HGF: variants seen among roughly 807,000 people sequenced by gnomAD.
HGF encodes fibroblast-derived tumor cytotoxic factor.
In HGF, 39 loss-of-function variants were observed where a neutral mutation model predicts 111.6. The observed-to-expected ratio is 0.35, with a 90% CI of 0.27 to 0.46. The LOEUF (loss-of-function observed/expected upper bound fraction) is 0.46. Ranked by LOEUF, HGF falls within the 20% of genes least tolerant of loss-of-function variation. The pLI, the probability that HGF is intolerant of heterozygous loss-of-function variation, is 1.00. For missense variants in HGF, 735 were observed against 910.5 expected (o/e 0.81, Z 2.48); for synonymous variants, 285 against 294.8 (o/e 0.97, Z 0.34).
chr7:81,714,275 G>T (rs1487259862), intron 11 of HGF, among the ~76,000 whole-genome samples: 1 of 151,998 alleles, frequency 6.6e-6, no homozygotes, highest in Non-Finnish European at 1.5e-5. Context: ...TTAAGAAGAA[G>T]TGTTTGTATT....
intron 1 of HGF, 109 bp from the exon 2 acceptor site, chr7:81,762,981 C>A (rs1789175487): frequency 1.4e-6 from 1 of 697,026 alleles, no homozygotes; most frequent in East Asian, 2.7e-5. Context: ...TTTTACTTGA[C>A]AATATACTAG....
chr7:81,709,524 C>A (rs1297292436), intron 13 of HGF, among the ~76,000 whole-genome samples: 1 of 152,000 alleles, frequency 6.6e-6, no homozygotes, highest in Non-Finnish European at 1.5e-5. Flanking sequence ...TTTTCTCTAA[C>A]AATATGATTT....
chr7:81,709,375 A>C (rs1208828767), intron 13 of HGF, among the ~76,000 whole-genome samples: 5 of 152,228 alleles, frequency 3.3e-5, no homozygotes, highest in Non-Finnish European at 7.3e-5. Flanking sequence ...TCTGATAGAG[A>C]TAGCCAAAGA....
In HGF at chr7:81,741,720, C is replaced by A. The variant is rs184122252; in HGVS notation, c.865+1633G>T. On this transcript the variant is annotated intron_variant, in intron 7 of 17. Transcript: ENST00000222390. ...TTGGGAGGCCGAGGCAGGCAGATCACCTGAGGTCGGGAGTTCGAGACCAGC... is the reference window on the plus strand; with the variant it reads ...TTGGGAGGCCGAGGCAGGCAGATCAACTGAGGTCGGGAGTTCGAGACCAGC... 1.7e-3 allele frequency among the ~76,000 whole-genome samples: 257 copies of A among 151,892 alleles called. 1 individual carries two copies. The highest frequency in any genetic ancestry group is 3.1e-3 in the Non-Finnish European group (208 of 67,944).
chr7:81,721,257 G>GA (rs148152282), intron 9 of HGF, among the ~76,000 whole-genome samples: 15,812 of 146,350 alleles, frequency 0.11, 2,751 homozygotes, highest in African/African-American at 0.37. Flanking sequence ...AAAACAAAAA[G>GA]AAAAAAAAAA....
intron 7 of HGF, among the ~76,000 whole-genome samples, chr7:81,736,459 G>A (rs1190834514): frequency 6.6e-6 from 1 of 151,982 alleles, no homozygotes; most frequent in Admixed American, 6.6e-5. Context: ...CTGGCATATT[G>A]TTATCATTAT....
chr7:81,729,905 A>G, intron 7 of HGF, 126 bp from the exon 8 acceptor site: 1 of 710,530 alleles, frequency 1.4e-6, no homozygotes, highest in Non-Finnish European at 2.3e-6. Flanking sequence ...AGCTTTTATA[A>G]TAATTGAGTG....
At chr7:81,746,133 A>G (rs545463277) in intron 5 of HGF, among the ~76,000 whole-genome samples, 1 of 152,338 alleles carries the variant, frequency 6.6e-6, no homozygotes. Flanking sequence ...GTAATTTGGG[A>G]TTATAGTATT....
intron 7 of HGF, among the ~76,000 whole-genome samples, chr7:81,736,383 T>C (rs1373072476): frequency 6.6e-6 from 1 of 152,080 alleles, no homozygotes; most frequent in Non-Finnish European, 1.5e-5. Flanking sequence ...CATAGTTTTG[T>C]AGTGCTGATA....
intron 11 of HGF, among the ~76,000 whole-genome samples, chr7:81,714,171 T>G (rs1789650623): frequency 6.6e-6 from 1 of 152,148 alleles, no homozygotes; most frequent in Non-Finnish European, 1.5e-5. Flanking sequence ...ACATTCTCAT[T>G]TTATATATTG....
intron 10 of HGF, among the ~76,000 whole-genome samples, chr7:81,718,660 G>A (rs1450710784): frequency 6.6e-6 from 1 of 152,114 alleles, no homozygotes; most frequent in Non-Finnish European, 1.5e-5. Context: ...ATTTTCAGTG[G>A]TATGCTGGTA....
intron 4 of HGF, chr7:81,756,889 C>T (rs1054379995): frequency 2.2e-6 from 1 of 446,046 alleles, no homozygotes; most frequent in Non-Finnish European, 4.1e-6. Flanking sequence ...CAGTGCCGTA[C>T]TTTCTCAAAG....
At chr7:81,758,585 T>A (rs1453750847) in intron 3 of HGF, 107 bp downstream of exon 3, 1 of 729,210 alleles carries the variant, frequency 1.4e-6, no homozygotes, top group East Asian at 2.6e-5. Flanking sequence ...AAATATCTCA[T>A]ATATAGTAGA....
chr7:81,740,967 C>T (rs909162999), intron 7 of HGF, among the ~76,000 whole-genome samples: 1 of 152,084 alleles, frequency 6.6e-6, no homozygotes, highest in Admixed American at 6.6e-5. Flanking sequence ...ATTTGTTATG[C>T]CACAATAGAA....
intron 5 of HGF, 39 bp downstream of exon 5, chr7:81,752,078 AGGG>A: frequency 6.2e-7 from 1 of 1,612,418 alleles, no homozygotes; most frequent in African/African-American, 1.3e-5. Context: ...TTCTACACAT[AGGG>A]GGAATAGAAT....
At chr7:81,727,791 G>T (rs747257705) in intron 8 of HGF, among the ~76,000 whole-genome samples, 1 of 146,408 alleles carries the variant, frequency 6.8e-6, no homozygotes, top group South Asian at 2.2e-4. Flanking sequence ...AGTGAAGATC[G>T]AGGGCTATCA....
intron 13 of HGF, among the ~76,000 whole-genome samples, chr7:81,707,766 G>T (rs138925538): frequency 6.6e-6 from 1 of 152,216 alleles, no homozygotes; most frequent in Non-Finnish European, 1.5e-5. Flanking sequence ...TATTAAAAAT[G>T]CAAAGTTGAG....
In HGF at chr7:81,745,883, A is replaced by C. The variant is rs5745656; in HGVS notation, c.626-763T>G. Among the ~76,000 whole-genome samples the C allele has an allele frequency of 7.8e-3, 1,186 of 152,310 alleles. 17 individuals carry two copies. Among genetic ancestry groups the C allele is most frequent in the African/African-American group, 0.027 (1,119 of 41,566 alleles). On this transcript the variant is annotated intron_variant, in intron 5 of 17. Coordinates refer to ENST00000222390, the MANE Select transcript of HGF (RefSeq NM_000601.6). ...TCTTCTGGCTGGCCTCTTATGTCACACAGAAAACTGAATCACATCAATTGC... is the reference window on the plus strand; with the variant it reads ...TCTTCTGGCTGGCCTCTTATGTCACCCAGAAAACTGAATCACATCAATTGC...
intron 5 of HGF, among the ~76,000 whole-genome samples, chr7:81,750,349 A>G (rs1472191968): frequency 6.6e-6 from 1 of 152,124 alleles, no homozygotes; most frequent in South Asian, 2.1e-4. Flanking sequence ...GAGTTATTCC[A>G]CTATTGCCAG....
Sources: allele counts gnomAD v4.1 joint callset (sites outside exome capture counted in the v4.1 genomes callset), GRCh38; gene constraint gnomAD v4.1.1; transcripts MANE v1.5; gene names NCBI Gene and HGNC (gene_info 2026-07-23, HGNC 2026-07-21).